Variants in CHSY3 observed in about 807,000 individuals in gnomAD.
CHSY3 encodes the protein chondroitin sulfate synthase 3.
CHSY3 carries 35 observed loss-of-function variants against 67.2 expected under a neutral mutation model. That is an observed-to-expected ratio of 0.52 (90% confidence interval 0.40 to 0.69). The LOEUF (loss-of-function observed/expected upper bound fraction) is 0.69, where lower values mean the gene tolerates loss of function less well. Among genes scored for constraint, CHSY3 ranks in the 30% least tolerant of loss-of-function variants. CHSY3 has a pLI of 0.00. For missense variants in CHSY3, 1,069 were observed against 1,138.5 expected (o/e 0.94, Z 0.88); for synonymous variants, 474 against 434.7 (o/e 1.09, Z -1.12).
chr5:129,970,423 T>C (rs1762606082), intron 2 of CHSY3, among the ~76,000 whole-genome samples: 1 of 151,176 alleles, frequency 6.6e-6, no homozygotes. Context: ...GATAGATAGA[T>C]AGATAGATAG....
intron 2 of CHSY3, among the ~76,000 whole-genome samples, chr5:129,911,988 G>A (rs1299710710): frequency 6.6e-6 from 1 of 152,048 alleles, no homozygotes; most frequent in Non-Finnish European, 1.5e-5. Context: ...CCCGGGAGGC[G>A]GAGCTTGCAG....
chr5:129,919,228 T>C (rs1760838200), intron 2 of CHSY3, among the ~76,000 whole-genome samples: 1 of 151,800 alleles, frequency 6.6e-6, no homozygotes, highest in African/African-American at 2.4e-5. Flanking sequence ...CATCAATTAA[T>C]AAAGAAATAA....
chr5:130,080,069 C>CAT (rs1561527167), intron 2 of CHSY3, among the ~76,000 whole-genome samples: 1 of 151,084 alleles, frequency 6.6e-6, no homozygotes, highest in Non-Finnish European at 1.5e-5. Flanking sequence ...CACACACACA[C>CAT]AGAAAAACAC....
intron 2 of CHSY3, among the ~76,000 whole-genome samples, chr5:130,005,875 C>A (rs1157247973): frequency 1.3e-5 from 2 of 151,960 alleles, no homozygotes; most frequent in East Asian, 3.9e-4. Flanking sequence ...TTAATTCATG[C>A]CTTTGTTCTT....
At chr5:129,998,124 C>G (rs1008290489) in intron 2 of CHSY3, among the ~76,000 whole-genome samples, 1 of 152,140 alleles carries the variant, frequency 6.6e-6, no homozygotes, top group Non-Finnish European at 1.5e-5. Flanking sequence ...ACACTCCCAC[C>G]AACAGTGTAA....
intron 2 of CHSY3, among the ~76,000 whole-genome samples, chr5:130,037,803 G>A (rs1273003018): frequency 2.0e-5 from 3 of 152,096 alleles, no homozygotes; most frequent in Non-Finnish European, 4.4e-5. Context: ...AACCACTTGT[G>A]TAGTTAGGTT....
At chr5:130,157,731 C>A (rs1386091774) in intron 2 of CHSY3, among the ~76,000 whole-genome samples, 1 of 58,910 alleles carries the variant, frequency 1.7e-5, no homozygotes, top group Non-Finnish European at 3.5e-5. Flanking sequence ...AAAGTGAAAG[C>A]AAGTTTATTT....
intron 2 of CHSY3, among the ~76,000 whole-genome samples, chr5:130,075,802 T>C (rs780968917): frequency 3.9e-5 from 6 of 152,150 alleles, no homozygotes; most frequent in Non-Finnish European, 8.8e-5. Flanking sequence ...TATAGGCCAA[T>C]GTAATTCATT....
intron 2 of CHSY3, among the ~76,000 whole-genome samples, chr5:130,028,507 C>T (rs928794860): frequency 2.0e-5 from 3 of 152,130 alleles, no homozygotes; most frequent in Non-Finnish European, 4.4e-5. Context: ...CAGAAGCATA[C>T]TTTTTAATAA....
intron 2 of CHSY3, among the ~76,000 whole-genome samples, chr5:130,151,551 A>T (rs778056164): frequency 1.6e-4 from 24 of 152,150 alleles, no homozygotes; most frequent in Non-Finnish European, 3.1e-4. Context: ...TATACCCCAG[A>T]CTGAGTAATT....
intron 2 of CHSY3, among the ~76,000 whole-genome samples, chr5:129,962,088 A>T (rs533275677): frequency 4.2e-4 from 63 of 151,684 alleles, no homozygotes; most frequent in African/African-American, 1.4e-3. Context: ...TGTATCCCCA[A>T]CCCTCTCAGA....
At chr5:129,951,913 A>C (rs1288439113) in intron 2 of CHSY3, among the ~76,000 whole-genome samples, 1 of 152,194 alleles carries the variant, frequency 6.6e-6, no homozygotes, top group African/African-American at 2.4e-5. Context: ...CATTACTAGC[A>C]CAGACATTTA....
chr5:130,170,571 TC>T (rs1769870181), intron 2 of CHSY3, among the ~76,000 whole-genome samples: 1 of 152,154 alleles, frequency 6.6e-6, no homozygotes, highest in Non-Finnish European at 1.5e-5. Flanking sequence ...CATACTGTTT[TC>T]CATGGAGGTT....
chr5:129,937,639 GA>G (rs59527908), intron 2 of CHSY3, among the ~76,000 whole-genome samples: 3,781 of 146,502 alleles, frequency 0.026, 150 homozygotes, highest in African/African-American at 0.087. Flanking sequence ...CTATGAGCCT[GA>G]AAAAAAAAAA....
chr5:130,122,198 A>G (rs1768057467), intron 2 of CHSY3, among the ~76,000 whole-genome samples: 1 of 152,234 alleles, frequency 6.6e-6, no homozygotes, highest in African/African-American at 2.4e-5. Context: ...TACATGTGGA[A>G]AATCAGCCTG....
chr5:130,162,661 T>A (rs1439727292), intron 2 of CHSY3, among the ~76,000 whole-genome samples: 3 of 152,196 alleles, frequency 2.0e-5, no homozygotes, highest in African/African-American at 7.2e-5. Flanking sequence ...CAGTCTCCTG[T>A]GTAGCTAGGA....
intron 2 of CHSY3, among the ~76,000 whole-genome samples, chr5:130,119,701 T>C (rs572482887): frequency 1.5e-4 from 23 of 152,298 alleles, no homozygotes; most frequent in Admixed American, 1.4e-3. Context: ...TAATTAATTA[T>C]TGAGTAATGA....
intron 2 of CHSY3, among the ~76,000 whole-genome samples, chr5:130,024,146 A>AG (rs1280393570): frequency 4.6e-5 from 7 of 151,502 alleles, no homozygotes; most frequent in Admixed American, 4.6e-4. Flanking sequence ...TCAAAAAAAA[A>AG]AAAAAAAAGC....
chr5:130,114,915 A>G (rs1767735401), intron 2 of CHSY3, among the ~76,000 whole-genome samples: 1 of 152,058 alleles, frequency 6.6e-6, no homozygotes, highest in Admixed American at 6.6e-5. Flanking sequence ...TGAAGATGCC[A>G]CTCAACTATT....
Sources: gnomAD v4.1 joint callset for allele counts (sites outside exome capture counted in the v4.1 genomes callset) on GRCh38, gnomAD v4.1.1 for gene constraint, MANE v1.5 for transcripts, NCBI Gene and HGNC (gene_info 2026-07-23, HGNC 2026-07-21) for gene names.